The following DRD3 variants were observed in gnomAD, a reference collection of about 807,000 sequenced individuals.
DRD3 encodes dopamine receptor D3.
In DRD3, 19 loss-of-function variants were observed where a neutral mutation model predicts 36.3. The ratio of observed to expected loss-of-function variants is 0.52; its 90% CI spans 0.36 to 0.77. The LOEUF (loss-of-function observed/expected upper bound fraction) is 0.77. Among genes scored for constraint, DRD3 ranks in the 30% least tolerant of loss-of-function variants. The probability of loss-of-function intolerance (pLI) is 0.00; values close to 1 mark genes in which losing one functional copy is unlikely to be tolerated. For missense variants in DRD3, 465 were observed against 505.3 expected, an observed-to-expected ratio of 0.92 and a Z score of 0.77; for synonymous variants, 195 against 203.7, an observed-to-expected ratio of 0.96 and a Z score of 0.36.
chr3:114,169,151 G>A (rs2077815092), intron 2 of DRD3, among the ~76,000 whole-genome samples: 1 of 151,608 alleles, frequency 6.6e-6, no homozygotes, highest in African/African-American at 2.4e-5. Flanking sequence ...GAGGAACATG[G>A]ATTTATGTAT....
intron 3 of DRD3, among the ~76,000 whole-genome samples, chr3:114,151,211 G>A (rs1334174281): frequency 2.0e-5 from 3 of 152,164 alleles, no homozygotes; most frequent in African/African-American, 7.2e-5. Context: ...ATGTCTACAA[G>A]GGCCTCGCTG....
chr3:114,143,859 G>A lies in DRD3; in HGVS notation c.526+3556C>T, dbSNP rs115695146. ...AAGATTTCTTAAACTCTTATCATCA[G>A]CTTATTCACTCTTTGCTTATTCATT... On this transcript the variant is annotated intron_variant, in intron 4 of 6. Coordinates refer to ENST00000383673, the MANE Select transcript of DRD3 (RefSeq NM_000796.6). Among the ~76,000 whole-genome samples the A allele has an allele frequency of 2.1e-3, 321 of 152,280 alleles. 1 individual carries two copies. The highest frequency in any genetic ancestry group is 7.4e-3 in the African/African-American group (307 of 41,548).
chr3:114,144,159 C>T (rs923382639), intron 4 of DRD3, among the ~76,000 whole-genome samples: 1 of 152,212 alleles, frequency 6.6e-6, no homozygotes, highest in African/African-American at 2.4e-5. Context: ...CTCATATTGA[C>T]CTTTCATCTG....
intron 2 of DRD3, among the ~76,000 whole-genome samples, chr3:114,169,297 C>G (rs957687089): frequency 2.0e-5 from 3 of 150,456 alleles, no homozygotes; most frequent in Non-Finnish European, 3.0e-5. Context: ...ACTTGGTCCT[C>G]TGTATTCTTC....
chr3:114,194,907 T>C (rs1002282950), intron 1 of DRD3, among the ~76,000 whole-genome samples: 1 of 151,978 alleles, frequency 6.6e-6, no homozygotes, highest in African/African-American at 2.4e-5. Flanking sequence ...TCAGAGAAAA[T>C]TCTGCTTTTC....
chr3:114,170,886 T>TA (rs570092132), intron 2 of DRD3, among the ~76,000 whole-genome samples: 10 of 152,176 alleles, frequency 6.6e-5, no homozygotes, highest in African/African-American at 2.4e-4. Context: ...CAGGTTTTTT[T>TA]AAAAAAACAT....
chr3:114,164,553 A>G (rs2077764695), intron 2 of DRD3, among the ~76,000 whole-genome samples: 1 of 152,168 alleles, frequency 6.6e-6, no homozygotes, highest in South Asian at 2.1e-4. Flanking sequence ...AATGATTCTT[A>G]GGCCTCGCTC....
intron 4 of DRD3, among the ~76,000 whole-genome samples, chr3:114,140,433 T>C (rs1577586924): frequency 6.6e-6 from 1 of 152,332 alleles, no homozygotes; most frequent in East Asian, 1.9e-4. Context: ...TCATAGCAGA[T>C]GCTGAGATTC....
At chr3:114,151,588 C>T (rs1467665881) in intron 3 of DRD3, among the ~76,000 whole-genome samples, 2 of 152,206 alleles carry the variant, frequency 1.3e-5, no homozygotes, top group African/African-American at 4.8e-5. Flanking sequence ...CTTCAGCAGA[C>T]CACTGAGAGT....
chr3:114,199,114 G>A (rs999220966), intron 1 of DRD3, among the ~76,000 whole-genome samples: 2 of 152,104 alleles, frequency 1.3e-5, no homozygotes, highest in African/African-American at 4.8e-5. Context: ...TTGTTTTCAT[G>A]TGAAATTCAC....
rs781775578 is a variant in DRD3, at chr3:114,147,533, A to T, written c.408T>A (p.Val136=). The T allele has an allele frequency of 6.2e-7, 1 of 1,614,046 alleles. No individual in the cohort carries two copies. The highest frequency in any genetic ancestry group is 8.5e-7 in the Non-Finnish European group (1 of 1,179,948). ...IDRYTAVVMP[V]HYQHGTGQSS... Reference sequence around the variant, plus strand: ...TCTGTCCCGTGCCATGCTGGTAGTGAACGGGCATGACCACTGCAGTGTACC... The same window carrying T: ...TCTGTCCCGTGCCATGCTGGTAGTGTACGGGCATGACCACTGCAGTGTACC... Residue 136 remains valine (V), a synonymous_variant, in exon 4 of 7, where the codon GTT becomes GTA. Coordinates refer to ENST00000383673, the MANE Select transcript of DRD3 (RefSeq NM_000796.6).
At chr3:114,183,735 G>A (rs2077960137), upstream of DRD3, among the ~76,000 whole-genome samples, 1 of 151,338 alleles carries the variant, frequency 6.6e-6, no homozygotes, top group African/African-American at 2.4e-5. Flanking sequence ...TATTTGTCTA[G>A]CCATTCCTGC....
At chr3:114,156,469 G>A (rs1029981585) in intron 3 of DRD3, among the ~76,000 whole-genome samples, 5 of 145,016 alleles carry the variant, frequency 3.4e-5, no homozygotes, top group Middle Eastern at 3.5e-3. Flanking sequence ...ACCTTTTGCC[G>A]TTTTTTTTTT....
Position 114,147,436 on chromosome 3 carries a change from G to C in DRD3, c.505C>G (p.Leu169Val). Residue 169 changes from leucine to valine, a missense_variant, in exon 4 of 7, where the codon CTG becomes GTG. Leu to Val is a conservative substitution (Grantham distance 32). Coordinates refer to ENST00000383673, the MANE Select transcript of DRD3 (RefSeq NM_000796.6). ...TTACCTGTGGTATTAAAGCCAAACAGAAGAGGGCAGGACACAGCAAAGGCC... is the reference window on the plus strand; with the variant it reads ...TTACCTGTGGTATTAAAGCCAAACACAAGAGGGCAGGACACAGCAAAGGCC... ...VLAFAVSCPLLFGFNTTGDPT... is the reference protein window; with the variant it reads ...VLAFAVSCPLVFGFNTTGDPT... 6.2e-7 allele frequency: 1 copy of C among 1,613,694 alleles called. No homozygotes were observed.
intron 3 of DRD3, 54 bp downstream of exon 3, chr3:114,159,701 C>A: frequency 6.7e-7 from 1 of 1,485,116 alleles, no homozygotes; most frequent in South Asian, 1.1e-5. Flanking sequence ...CACAATCTGT[C>A]TCTCCCCACT....
At chr3:114,133,515 T>TG (rs1553764486) in intron 5 of DRD3, among the ~76,000 whole-genome samples, 9 of 19,184 alleles carry the variant, frequency 4.7e-4, no homozygotes, top group Non-Finnish European at 1.4e-3. Flanking sequence ...ATAATAGAAA[T>TG]TAAAAAAAAA....
At chr3:114,192,503 A>T (rs2078016065) in intron 1 of DRD3, among the ~76,000 whole-genome samples, 1 of 152,180 alleles carries the variant, frequency 6.6e-6, no homozygotes, top group Non-Finnish European at 1.5e-5. Context: ...ACATTTTGAT[A>T]CATTTTTTCT....
At chr3:114,153,265 CTT>C (rs35380452) in intron 3 of DRD3, among the ~76,000 whole-genome samples, 3,339 of 148,734 alleles carry the variant, frequency 0.022, 71 homozygotes, top group African/African-American at 0.05. Context: ...CTCTGTAAAC[CTT>C]TTTTTTTTTT....
At chr3:114,181,277 C>G (rs930276365), upstream of DRD3, among the ~76,000 whole-genome samples, 2 of 152,166 alleles carry the variant, frequency 1.3e-5, no homozygotes, top group African/African-American at 4.8e-5. Context: ...AGGCAGTCAA[C>G]TCTGTTCTGA....
Sources: allele counts gnomAD v4.1 joint callset (sites outside exome capture counted in the v4.1 genomes callset), GRCh38; gene constraint gnomAD v4.1.1; transcripts MANE v1.5; gene names NCBI Gene and HGNC (gene_info 2026-07-23, HGNC 2026-07-21).